Variants in GSDMC observed in about 807,000 individuals in gnomAD.
GSDMC encodes the protein gasdermin-C.
A neutral mutation model predicts 58.0 loss-of-function variants in GSDMC; 59 were observed. That is an observed-to-expected ratio of 1.02 (90% confidence interval 0.82 to 1.26). The LOEUF is 1.26. Ranked by LOEUF, GSDMC falls within the 50% of genes most tolerant of loss-of-function variation. The probability of loss-of-function intolerance (pLI) is 0.00; values close to 1 mark genes in which losing one functional copy is unlikely to be tolerated. For synonymous variants in GSDMC, 241 were observed against 220.2 expected (o/e 1.09, Z -0.83); for missense variants, 659 against 598.5 (o/e 1.10, Z -1.06).
chr8:129,785,015 C>T (rs1322238435), intron 1 of GSDMC, among the ~76,000 whole-genome samples: 1 of 152,106 alleles, frequency 6.6e-6, no homozygotes, highest in Non-Finnish European at 1.5e-5. Context: ...GAGTTCAAGA[C>T]CAGCCTGACC....
chr8:129,708,906 T>C, the GSDMC span, among the ~76,000 whole-genome samples: 1 of 152,278 alleles, frequency 6.6e-6, no homozygotes, highest in Non-Finnish European at 1.5e-5. Context: ...TGGCTGAGTG[T>C]CCTTGGCTAG....
At chr8:129,749,969 C>T (rs2130325675) in intron 12 of GSDMC, 21 bp downstream of exon 12, 3 of 1,567,238 alleles carry the variant, frequency 1.9e-6, no homozygotes, top group South Asian at 1.2e-5. Flanking sequence ...TTCTCCCATT[C>T]TTCCCTTTAA....
At chr8:129,749,628 G>T in intron 12 of GSDMC, 103 bp from the exon 13 acceptor site, 1 of 857,136 alleles carries the variant, frequency 1.2e-6, no homozygotes, top group Non-Finnish European at 2.0e-6. Context: ...CCAAGGCAGA[G>T]GAATAAAACC....
At chr8:129,755,086 G>C (rs759284551) in intron 6 of GSDMC, among the ~76,000 whole-genome samples, 18 of 152,098 alleles carry the variant, frequency 1.2e-4, no homozygotes, top group Non-Finnish European at 2.6e-4. Flanking sequence ...CAAACCTATA[G>C]AAAGATACCA....
intron 4 of GSDMC, among the ~76,000 whole-genome samples, chr8:129,765,254 G>A (rs781383993): frequency 1.2e-4 from 18 of 152,060 alleles, no homozygotes; most frequent in Non-Finnish European, 8.8e-5. Context: ...TTTAACAACC[G>A]GGGTTTGGTA....
intron 1 of GSDMC, among the ~76,000 whole-genome samples, chr8:129,779,366 C>G (rs1262571247): frequency 1.3e-5 from 2 of 152,106 alleles, no homozygotes; most frequent in Non-Finnish European, 2.9e-5. Flanking sequence ...AAACCAAATA[C>G]CACATGTTTT....
At chr8:129,710,853 C>A in the GSDMC span, among the ~76,000 whole-genome samples, 2 of 152,188 alleles carry the variant, frequency 1.3e-5, no homozygotes, top group Admixed American at 6.5e-5. Flanking sequence ...ACGAGGCCAG[C>A]AAATTCACAT....
the GSDMC span, among the ~76,000 whole-genome samples, chr8:129,737,517 C>T: frequency 6.6e-6 from 1 of 152,104 alleles, no homozygotes; most frequent in Non-Finnish European, 1.5e-5. Flanking sequence ...CTTTGACAAA[C>T]CTGACAAAAA....
chr8:129,748,446 A>T lies in GSDMC; in HGVS notation c.*55T>A. 6.5e-7 allele frequency: 1 copy of T among 1,536,340 alleles called. No homozygotes were observed. ...CTCTTGCACCCATAAGGACACTCACAGCATAGACTGGGCGAGGGCCAGCAT... is the reference window on the plus strand; with the variant it reads ...CTCTTGCACCCATAAGGACACTCACTGCATAGACTGGGCGAGGGCCAGCAT... On this transcript the variant is annotated 3_prime_UTR_variant, in exon 14 of 14. Coordinates refer to ENST00000276708, the MANE Select transcript of GSDMC (RefSeq NM_031415.3).
chr8:129,711,494 T>C, the GSDMC span, among the ~76,000 whole-genome samples: 7 of 152,216 alleles, frequency 4.6e-5, no homozygotes, highest in Non-Finnish European at 8.8e-5. Context: ...TTTTTCTTGA[T>C]AAGCAGATTA....
chr8:129,716,439 A>G, the GSDMC span, among the ~76,000 whole-genome samples: 2 of 152,142 alleles, frequency 1.3e-5, no homozygotes, highest in Non-Finnish European at 2.9e-5. Context: ...GGTGTATAGG[A>G]ATGCTTGTGA....
chr8:129,709,597 TAG>T, the GSDMC span, among the ~76,000 whole-genome samples: 1 of 130,928 alleles, frequency 7.6e-6, no homozygotes, highest in African/African-American at 2.6e-5. Context: ...AGATGATAGA[TAG>T]ATAGATAGAT....
intron 6 of GSDMC, among the ~76,000 whole-genome samples, chr8:129,757,941 T>C (rs1162425817): frequency 6.6e-6 from 1 of 152,042 alleles, no homozygotes; most frequent in African/African-American, 2.4e-5. Flanking sequence ...CAGTGAGCCA[T>C]GTTCATGCCA....
At chr8:129,766,997 C>T (rs1377851788) in intron 3 of GSDMC, among the ~76,000 whole-genome samples, 2 of 152,186 alleles carry the variant, frequency 1.3e-5, no homozygotes, top group East Asian at 3.9e-4. Context: ...TTCCTACTAG[C>T]AGTGGCACCC....
chr8:129,776,062 G>T, intron 3 of GSDMC, 40 bp downstream of exon 3: 3 of 1,478,628 alleles, frequency 2.0e-6, no homozygotes, highest in South Asian at 2.4e-5. Context: ...CACCCCCTGG[G>T]ATACTGATGA....
rs74340792 is a variant in GSDMC at position 129,758,249 on chromosome 8, C to T, written c.721+2296G>A. 2.9e-3 allele frequency among the ~76,000 whole-genome samples: 443 copies of T among 152,296 alleles called. 1 individual carries two copies. Among genetic ancestry groups the T allele is most frequent in the Non-Finnish European group, 4.3e-3 (293 of 68,024 alleles). On this transcript the variant is annotated intron_variant, in intron 6 of 13. Coordinates refer to ENST00000276708, the MANE Select transcript of GSDMC (RefSeq NM_031415.3). Reference sequence around the variant, plus strand: ...ATAAAAGCCATATATGACAGAGCCACAGCTAGTTTCATACTGAGTGGGGAA... The same window carrying T: ...ATAAAAGCCATATATGACAGAGCCATAGCTAGTTTCATACTGAGTGGGGAA...
chr8:129,740,749 C>T, the GSDMC span, among the ~76,000 whole-genome samples: 1 of 152,134 alleles, frequency 6.6e-6, no homozygotes, highest in Non-Finnish European at 1.5e-5. Context: ...TATTAGCTCC[C>T]TAGCAGATGT....
chr8:129,730,472 T>C, the GSDMC span: 2 of 905,202 alleles, frequency 2.2e-6, no homozygotes, highest in East Asian at 6.6e-5. Context: ...TACACTTTTG[T>C]AGCTTAGAAA....
At chr8:129,728,116 C>T in the GSDMC span, among the ~76,000 whole-genome samples, 2 of 152,120 alleles carry the variant, frequency 1.3e-5, no homozygotes, top group South Asian at 4.2e-4. Context: ...GTCTTCACTG[C>T]TCTACACCCA....
Sources: allele counts gnomAD v4.1 joint callset (sites outside exome capture counted in the v4.1 genomes callset), GRCh38; gene constraint gnomAD v4.1.1; transcripts MANE v1.5; gene names NCBI Gene and HGNC (gene_info 2026-07-23, HGNC 2026-07-21).